Variants in BCAR3 observed in about 807,000 individuals in gnomAD.
BCAR3 encodes the protein breast cancer anti-estrogen resistance protein 3.
BCAR3 carries 37 observed loss-of-function variants against 80.1 expected under a neutral mutation model. The ratio of observed to expected loss-of-function variants is 0.46; its 90% CI spans 0.36 to 0.61. The LOEUF (loss-of-function observed/expected upper bound fraction) is 0.61. Ranked by LOEUF, BCAR3 falls within the 20% of genes least tolerant of loss-of-function variation. The pLI is 0.00. For missense variants in BCAR3, 978 were observed against 1,068.2 expected, an observed-to-expected ratio of 0.92 and a Z score of 1.18; for synonymous variants, 389 against 418.9, an observed-to-expected ratio of 0.93 and a Z score of 0.87.
intron 2 of BCAR3, among the ~76,000 whole-genome samples, chr1:93,760,767 T>C (rs1651912373): frequency 6.6e-6 from 1 of 152,166 alleles, no homozygotes; most frequent in African/African-American, 2.4e-5. Flanking sequence ...ATAGGTGAGC[T>C]TTCCCATGAC....
intron 2 of BCAR3, among the ~76,000 whole-genome samples, chr1:93,668,271 G>A (rs550243751): frequency 6.6e-6 from 1 of 152,274 alleles, no homozygotes; most frequent in East Asian, 1.9e-4. Flanking sequence ...CAGAACAGCT[G>A]AGAATGCGTA....
At chr1:93,726,817 C>A (rs1479535192) in intron 2 of BCAR3, among the ~76,000 whole-genome samples, 1 of 152,142 alleles carries the variant, frequency 6.6e-6, no homozygotes, top group Admixed American at 6.5e-5. Context: ...CACTAAATTT[C>A]TGCCCACAGG....
intron 9 of BCAR3, 171 bp from the exon 10 acceptor site, chr1:93,568,022 A>T: frequency 3.9e-6 from 2 of 513,626 alleles, no homozygotes; most frequent in South Asian, 2.1e-5. Context: ...CCCTGTCTCT[A>T]CTCAAATACA....
At chr1:93,814,271 T>G (rs1347949269) in intron 2 of BCAR3, among the ~76,000 whole-genome samples, 2 of 152,244 alleles carry the variant, frequency 1.3e-5, no homozygotes, top group Non-Finnish European at 1.5e-5. Context: ...ATGCCTCTGC[T>G]GATGTGATTG....
At chr1:93,578,102 T>C (rs1673530352) in intron 7 of BCAR3, among the ~76,000 whole-genome samples, 1 of 152,176 alleles carries the variant, frequency 6.6e-6, no homozygotes, top group African/African-American at 2.4e-5. Context: ...CCGATGAGGC[T>C]TCCTTCTGCC....
rs1220868201 is a variant in BCAR3, at chr1:93,582,861, G to A, written c.1126C>T (p.Pro376Ser). Reference sequence around the variant, plus strand: ...GAGGAGACCCTCCGAACCACTGCTGGGCTCAGGGCAGGCTCGCTTCCCGTC... The same window carrying A: ...GAGGAGACCCTCCGAACCACTGCTGAGCTCAGGGCAGGCTCGCTTCCCGTC... ...FRTGSEPALS[P>S]AVVRRVSSDA... Residue 376 changes from proline (P) to serine (S), a missense_variant, in exon 7 of 12, where the codon CCA becomes TCA. Transcript: ENST00000260502. The A allele has an allele frequency of 6.2e-7, 1 of 1,612,618 alleles. No individual in the cohort carries two copies.
At position 93,592,983 on chromosome 1, in the gene BCAR3, A is replaced by G. The variant is rs1327266866; in HGVS notation, c.358-590T>C. ...TAACAGAAGTCTGTCTTTATTTCAC[A>G]TTTCTAATATTTCATTTTTATGACA... On this transcript the variant is annotated intron_variant, in intron 3 of 11. Transcript: ENST00000260502. This position sits in a 1 kb window ranked among gnomAD's most constrained non-coding sequence, Gnocchi z 4.8. 6.6e-6 allele frequency among the ~76,000 whole-genome samples: 1 copy of G among 152,244 alleles called. No individual in the cohort carries two copies. Among genetic ancestry groups the G allele is most frequent in the Non-Finnish European group, 1.5e-5 (1 of 68,050 alleles).
chr1:93,811,067 A>C (rs1653825028), intron 2 of BCAR3, among the ~76,000 whole-genome samples: 1 of 152,208 alleles, frequency 6.6e-6, no homozygotes, highest in African/African-American at 2.4e-5. Context: ...AAAAATTATC[A>C]GAAAAAAAGA....
intron 2 of BCAR3, among the ~76,000 whole-genome samples, chr1:93,728,640 T>C (rs1650678507): frequency 6.6e-6 from 1 of 152,162 alleles, no homozygotes; most frequent in Non-Finnish European, 1.5e-5. Context: ...CCTCCAACTG[T>C]CCCAGCCAAA....
rs112617502 is a variant in BCAR3 at position 93,804,030 on chromosome 1, G to A, written c.-63+41537C>T. 9.6e-4 allele frequency among the ~76,000 whole-genome samples: 146 copies of A among 152,320 alleles called. 3 individuals carry two copies. Among genetic ancestry groups the A allele is most frequent in the African/African-American group, 3.3e-3 (136 of 41,564 alleles). ...GTACATGTCAGTGAAATATCTGAAGGCTGGACATAGCAGCTTATGCCTGTA... is the reference window on the plus strand; with the variant it reads ...GTACATGTCAGTGAAATATCTGAAGACTGGACATAGCAGCTTATGCCTGTA... On this transcript the variant is annotated intron_variant, in intron 2 of 13. Coordinates refer to the BCAR3 transcript ENST00000370244.
rs570543028 is a variant in BCAR3 at position 93,605,839 on chromosome 1, T to G, written c.358-13446A>C. The stretch of plus-strand genomic sequence containing the variant: ...ACTGAATGAACAAAATGCACCGTAG[T>G]TGAAAGACACCCAAAGATGTAATTG... On this transcript the variant is annotated intron_variant, in intron 3 of 11. Transcript: ENST00000260502. 4.6e-5 allele frequency among the ~76,000 whole-genome samples: 7 copies of G among 152,300 alleles called. No individual in the cohort carries two copies. In the South Asian group the frequency reaches 1.4e-3, roughly 32 times the overall value.
At chr1:93,722,256 G>A (rs1255715557) in intron 2 of BCAR3, among the ~76,000 whole-genome samples, 1 of 152,244 alleles carries the variant, frequency 6.6e-6, no homozygotes, top group Non-Finnish European at 1.5e-5. Flanking sequence ...CTAGAGCTCA[G>A]GCCTGCCTTT....
At chr1:93,602,086 C>T (rs1674640411) in intron 3 of BCAR3, 1 of 152,062 alleles carries the variant, frequency 6.6e-6, no homozygotes, top group African/African-American at 2.4e-5. Flanking sequence ...AGTTCTGGAT[C>T]TTCGATGTTA....
At chr1:93,622,790 G>A (rs1304951640) in intron 3 of BCAR3, among the ~76,000 whole-genome samples, 2 of 152,200 alleles carry the variant, frequency 1.3e-5, no homozygotes, top group African/African-American at 4.8e-5. Context: ...CATCCAGAAG[G>A]TCAATATTTG....
chr1:93,749,133 C>G (rs922777785), intron 2 of BCAR3, among the ~76,000 whole-genome samples: 1 of 148,668 alleles, frequency 6.7e-6, no homozygotes, highest in Non-Finnish European at 1.5e-5. Context: ...CCCCCACACA[C>G]ACAAACAAAT....
At chr1:93,833,639 C>G (rs1164187659) in intron 2 of BCAR3, among the ~76,000 whole-genome samples, 1 of 152,172 alleles carries the variant, frequency 6.6e-6, no homozygotes. Context: ...TTCTCCTATT[C>G]ACTTTTGCAA....
At chr1:93,728,834 T>C (rs1275712087) in intron 2 of BCAR3, among the ~76,000 whole-genome samples, 2 of 152,138 alleles carry the variant, frequency 1.3e-5, no homozygotes, top group Non-Finnish European at 2.9e-5. Flanking sequence ...TCAGGGTTTT[T>C]ATAGACATAG....
chr1:93,567,384 T>C lies in BCAR3; in HGVS notation c.2194A>G (p.Lys732Glu), dbSNP rs1672996397. The stretch of plus-strand genomic sequence containing the variant: ...ATGATTTCACAGCTCTGGTCGTTTT[T>C]TTCCCACATGTCGGTTCCTTCAAAA... Reference protein sequence around the residue: ...VTFEGTDMWEKNDQSCEIMLN... With the variant: ...VTFEGTDMWEENDQSCEIMLN... Residue 732 changes from lysine to glutamate, a missense_variant, in exon 11 of 12, where the codon AAA becomes GAA. By Grantham distance (56) the Lys-to-Glu change is moderately conservative (BLOSUM62 1). Coordinates refer to ENST00000260502, the MANE Select transcript of BCAR3 (RefSeq NM_003567.4). The C allele has an allele frequency of 1.9e-6, 3 of 1,614,104 alleles. No homozygotes were observed. The highest frequency in any genetic ancestry group is 2.5e-6 in the Non-Finnish European group (3 of 1,180,050).
At chr1:93,608,691 T>C (rs1281180998) in intron 3 of BCAR3, among the ~76,000 whole-genome samples, 1 of 152,220 alleles carries the variant, frequency 6.6e-6, no homozygotes, top group Non-Finnish European at 1.5e-5. Flanking sequence ...AACCGGGTCC[T>C]GGGACACAGG....
Sources: allele counts gnomAD v4.1 joint callset (sites outside exome capture counted in the v4.1 genomes callset), GRCh38; gene constraint gnomAD v4.1.1; non-coding constraint Gnocchi (gnomAD v3.1); transcripts MANE v1.5; gene names NCBI Gene and HGNC (gene_info 2026-07-23, HGNC 2026-07-21).